The following CYP4F3 variants were observed in gnomAD, a reference collection of about 807,000 sequenced individuals.
CYP4F3 encodes the protein cytochrome P450 family 4 subfamily F member 3, also known as cytochrome P450 4F3.
In CYP4F3, 50 loss-of-function variants were observed where a neutral mutation model predicts 54.8. That is an observed-to-expected ratio of 0.91 (90% CI 0.73 to 1.16). The LOEUF (loss-of-function observed/expected upper bound fraction) is 1.16. CYP4F3 is among the 50% of genes most tolerant of loss of function. The pLI, the probability that CYP4F3 is intolerant of heterozygous loss-of-function variation, is 0.00. For missense variants in CYP4F3, 715 were observed against 676.2 expected (o/e 1.06, Z -0.64); for synonymous variants, 244 against 262.6 (o/e 0.93, Z 0.69).
At chr19:15,651,631 G>A (rs1972859301) in intron 7 of CYP4F3, among the ~76,000 whole-genome samples, 2 of 151,700 alleles carry the variant, frequency 1.3e-5, no homozygotes, top group African/African-American at 4.8e-5. Context: ...ACAGGTGTGA[G>A]CCACTGCACC....
chr19:15,641,090 C>T, intron 1 of CYP4F3, 145 bp downstream of exon 1: 1 of 308,822 alleles, frequency 3.2e-6, no homozygotes, highest in Non-Finnish European at 6.2e-6. Context: ...CTCCTGGTTG[C>T]TGGCTTGGAG....
intron 7 of CYP4F3, among the ~76,000 whole-genome samples, chr19:15,650,950 C>T (rs1209001961): frequency 6.7e-6 from 1 of 149,016 alleles, no homozygotes; most frequent in Non-Finnish European, 1.5e-5. Context: ...TTTTGGCTCA[C>T]TGGTAACCCC....
At chr19:15,643,981 G>A (rs1972550490) in intron 2 of CYP4F3, 1 of 1,606,510 alleles carries the variant, frequency 6.2e-7, no homozygotes, top group South Asian at 1.1e-5. Context: ...TTAAGGTCTG[G>A]ATGGGCCCCA....
At chr19:15,644,030 C>T (rs537769366) in intron 2 of CYP4F3, 77 of 1,597,692 alleles carry the variant, frequency 4.8e-5, no homozygotes, top group African/African-American at 3.8e-4. Context: ...CAACATCATC[C>T]GGTCTGTCAT....
Position 15,659,817 on chromosome 19 carries a change from A to G in CYP4F3, c.*432A>G, listed in dbSNP as rs192690385. 263 of 157,636 alleles carry G rather than the reference A, an allele frequency of 1.7e-3. 1 individual carries two copies. Among genetic ancestry groups the G allele is most frequent in the African/African-American group, 5.7e-3 (236 of 41,696 alleles). 9.8% of individuals were successfully genotyped at this position (157,636 alleles called of 1,614,324 possible). ...AGAACAGGCCAATCTGAAGAGATGT[A>G]TAGTGGATTGGTGGCTTTCAGCAGC... On this transcript the variant is annotated 3_prime_UTR_variant, in exon 13 of 13. Coordinates refer to ENST00000221307, the MANE Select transcript of CYP4F3 (RefSeq NM_000896.3).
At chr19:15,647,557 G>A (rs773549053) in intron 5 of CYP4F3, among the ~76,000 whole-genome samples, 9 of 152,270 alleles carry the variant, frequency 5.9e-5, no homozygotes, top group African/African-American at 1.7e-4. Context: ...CTATGTTCGC[G>A]TCACCCGAAC....
At chr19:15,654,584 C>G (rs1036738313) in intron 9 of CYP4F3, among the ~76,000 whole-genome samples, 19 of 152,208 alleles carry the variant, frequency 1.2e-4, no homozygotes, top group Admixed American at 1.3e-4. Flanking sequence ...TTTCAGCTCC[C>G]ACACGTGAGT....
intron 9 of CYP4F3, among the ~76,000 whole-genome samples, chr19:15,653,735 GGA>G (rs60874509): frequency 0.028 from 3,078 of 110,794 alleles, 59 homozygotes; most frequent in Non-Finnish European, 0.035. Flanking sequence ...AAGAGAGAGA[GGA>G]GAGAGAGAGA....
rs559905999 is a variant in CYP4F3 at position 15,651,529 on chromosome 19, G to A, written c.919-1040G>A. On this transcript the variant is annotated intron_variant, in intron 7 of 12. Coordinates refer to ENST00000221307, the MANE Select transcript of CYP4F3 (RefSeq NM_000896.3). ...ATTAGAGGCACCTGGCTAATTTTTT[G>A]TATTTTTAGTACAGACGGAGCTTCA... 3.0e-5 allele frequency among the ~76,000 whole-genome samples: 4 copies of A among 133,816 alleles called. No homozygotes were observed. The South Asian group carries it at 1.0e-3, about 35-fold the overall frequency. 87.8% of individuals were successfully genotyped at this position (133,816 alleles called of 152,430 possible).
chr19:15,646,546 C>A (rs1251435204), intron 3 of CYP4F3, among the ~76,000 whole-genome samples: 1 of 152,110 alleles, frequency 6.6e-6, no homozygotes, highest in East Asian at 1.9e-4. Flanking sequence ...CATGTTAGAC[C>A]ATCTCATGTG....
At chr19:15,658,868 G>A in intron 12 of CYP4F3, 59 bp downstream of exon 12, 1 of 1,581,342 alleles carries the variant, frequency 6.3e-7, no homozygotes, top group South Asian at 1.1e-5. Context: ...GTCTGGGCAT[G>A]ACAGTGGGGA....
chr19:15,646,868 C>T (rs528610438), intron 3 of CYP4F3, among the ~76,000 whole-genome samples, 184 bp from the exon 4 acceptor site: 1 of 152,236 alleles, frequency 6.6e-6, no homozygotes, highest in East Asian at 1.9e-4. Context: ...GCTGTGCTGC[C>T]GTAGCCTGGT....
chr19:15,645,435 T>A (rs934117249), intron 2 of CYP4F3, among the ~76,000 whole-genome samples: 1 of 152,176 alleles, frequency 6.6e-6, no homozygotes, highest in Admixed American at 6.5e-5. Flanking sequence ...TACTTTATCA[T>A]TTAGAGCCTC....
intron 9 of CYP4F3, among the ~76,000 whole-genome samples, chr19:15,655,528 T>A (rs1972989229): frequency 6.6e-6 from 1 of 152,218 alleles, no homozygotes. Context: ...ATGACAAAAA[T>A]GAAGTTCCTT....
rs1277953698 is a variant in CYP4F3, at chr19:15,651,371, T to G, written c.918+1188T>G. ...TGTCAATGCTATATCTATATCTTTG[T>G]CTTTTTTTTTTTTTGAGATGGAGTC... On this transcript the variant is annotated intron_variant, in intron 7 of 12. Coordinates refer to ENST00000221307, the MANE Select transcript of CYP4F3 (RefSeq NM_000896.3). Among the ~76,000 whole-genome samples the G allele has an allele frequency of 4.7e-5, 4 of 84,394 alleles. 1 individual carries two copies. The highest frequency in any genetic ancestry group is 9.2e-5 in the Non-Finnish European group (4 of 43,494). The allele number at this position is 84,394 out of a possible 152,430, so 55.4% of individuals were successfully genotyped here.
intron 2 of CYP4F3, among the ~76,000 whole-genome samples, chr19:15,642,001 G>A (rs1220519677): frequency 6.6e-6 from 1 of 152,126 alleles, no homozygotes; most frequent in East Asian, 1.9e-4. Context: ...TTCCTCTTAT[G>A]AGGGTATAGG....
At chr19:15,642,487 T>A (rs1047784031) in intron 2 of CYP4F3, among the ~76,000 whole-genome samples, 2 of 152,190 alleles carry the variant, frequency 1.3e-5, no homozygotes, top group South Asian at 2.1e-4. Flanking sequence ...AGCCAGGGCA[T>A]GAAGGGATGT....
At chr19:15,653,263 T>C (rs1972913418) in intron 9 of CYP4F3, among the ~76,000 whole-genome samples, 1 of 152,208 alleles carries the variant, frequency 6.6e-6, no homozygotes, top group Non-Finnish European at 1.5e-5. Flanking sequence ...GAAATATTTT[T>C]TTGAATGTCT....
At chr19:15,645,346 G>A (rs1318838970) in intron 2 of CYP4F3, among the ~76,000 whole-genome samples, 1 of 152,202 alleles carries the variant, frequency 6.6e-6, no homozygotes, top group Non-Finnish European at 1.5e-5. Flanking sequence ...AAGTTTGATG[G>A]TTAAGGAATC....
Sources: allele counts gnomAD v4.1 joint callset (sites outside exome capture counted in the v4.1 genomes callset), GRCh38; gene constraint gnomAD v4.1.1; transcripts MANE v1.5; gene names NCBI Gene and HGNC (gene_info 2026-07-23, HGNC 2026-07-21).